DHX57: variants seen among roughly 807,000 people sequenced by gnomAD.
DHX57 encodes the protein putative ATP-dependent RNA helicase DHX57.
Under a neutral mutation model 156.2 loss-of-function variants are expected in DHX57, and 105 were observed. The ratio of observed to expected loss-of-function variants is 0.67; its 90% CI spans 0.57 to 0.79. The LOEUF (loss-of-function observed/expected upper bound fraction) is 0.79. Among genes scored for constraint, DHX57 ranks in the 30% least tolerant of loss-of-function variants. The probability of loss-of-function intolerance (pLI) is 0.00; values close to 1 mark genes in which losing one functional copy is unlikely to be tolerated. For missense variants in DHX57, 1,847 were observed against 1,661.9 expected (o/e 1.11, Z -1.94); for synonymous variants, 704 against 595.6 (o/e 1.18, Z -2.65).
At chr2:38,822,106 C>T (rs965599691) in intron 17 of DHX57, among the ~76,000 whole-genome samples, 7 of 151,692 alleles carry the variant, frequency 4.6e-5, no homozygotes, top group African/African-American at 1.7e-4. Context: ...TTTTTTGAGA[C>T]GGAATTTCGC....
At chr2:38,859,144 G>T (rs1673056731) in intron 5 of DHX57, among the ~76,000 whole-genome samples, 1 of 152,160 alleles carries the variant, frequency 6.6e-6, no homozygotes, top group Non-Finnish European at 1.5e-5. Context: ...ATCAAATGAT[G>T]AATCAATGAA....
In DHX57 at chr2:38,875,893, C is replaced by G. The variant is rs1049515601; in HGVS notation, c.-113G>C. On this transcript the variant is annotated 5_prime_UTR_variant, in exon 1 of 24. Coordinates refer to ENST00000457308, the MANE Select transcript of DHX57 (RefSeq NM_198963.3). ...CTCACGATTCTCACTTGGAGCAGCCCTGCGGTGGCCCAGCTGCAGCGGCAC... is the reference window on the plus strand; with the variant it reads ...CTCACGATTCTCACTTGGAGCAGCCGTGCGGTGGCCCAGCTGCAGCGGCAC... 2.3e-5 allele frequency: 9 copies of G among 396,362 alleles called. No individual in the cohort carries two copies. The highest frequency in any genetic ancestry group is 1.6e-4 in the African/African-American group (8 of 48,722). The allele number at this position is 396,362 out of a possible 1,614,324, so 24.6% of individuals were successfully genotyped here. A position where few individuals can be genotyped will look rare whatever the true frequency, so the allele number is the denominator to read the frequency against.
At chr2:38,871,127 A>C (rs1665332227) in intron 1 of DHX57, among the ~76,000 whole-genome samples, 1 of 152,172 alleles carries the variant, frequency 6.6e-6, no homozygotes, top group African/African-American at 2.4e-5. Flanking sequence ...GTAATTGAGT[A>C]ATTATTTTTA....
chr2:38,818,969 T>C lies in DHX57; in HGVS notation c.3388-9A>G, dbSNP rs1372512795. On this transcript the variant is annotated splice_polypyrimidine_tract_variant and intron_variant, in intron 18 of 23. Coordinates refer to ENST00000457308, the MANE Select transcript of DHX57 (RefSeq NM_198963.3). ...GTACTTAGCTGCCATCCCTAAATTT[T>C]GGAGAAAATCAAACTGAACTTACTC... 6.2e-7 allele frequency: 1 copy of C among 1,614,180 alleles called. No homozygotes were observed. Among genetic ancestry groups the C allele is most frequent in the South Asian group, 1.1e-5 (1 of 91,084 alleles).
intron 23 of DHX57, 64 bp downstream of exon 23, chr2:38,802,651 A>G: frequency 6.3e-7 from 1 of 1,591,296 alleles, no homozygotes; most frequent in East Asian, 2.2e-5. Flanking sequence ...TTGACTTCAT[A>G]ACTTCATATT....
At chr2:38,862,362 G>A in intron 3 of DHX57, 29 bp from the exon 4 acceptor site, 2 of 1,481,590 alleles carry the variant, frequency 1.3e-6, no homozygotes, top group Non-Finnish European at 1.8e-6. Flanking sequence ...TCATATATTA[G>A]ATATTACTTT....
chr2:38,855,182 C>G lies in DHX57; in HGVS notation c.1780G>C (p.Ala594Pro), dbSNP rs547706396. ...DSLNGPPEKV[A>P]NIICTQPRRI... ...CGGGGTTGGGTACAGATGATGTTGGCTACCTTCTCAGGTGGTCCATTCAGA... is the reference window on the plus strand; with the variant it reads ...CGGGGTTGGGTACAGATGATGTTGGGTACCTTCTCAGGTGGTCCATTCAGA... The change falls in exon 8 of 24, where the codon GCC (alanine) becomes CCC (proline). Residue 594 changes from alanine to proline, a missense_variant. Transcript: ENST00000457308. 3 of 1,614,030 alleles carry G rather than the reference C, an allele frequency of 1.9e-6. No homozygotes were observed. In the African/African-American group the frequency reaches 4.0e-5, roughly 22 times the overall value.
chr2:38,823,405 C>T, intron 16 of DHX57, 136 bp from the exon 17 acceptor site: 1 of 883,994 alleles, frequency 1.1e-6, no homozygotes, highest in Non-Finnish European at 1.7e-6. Flanking sequence ...TCTACTTCTA[C>T]CAATAAACCA....
At chr2:38,819,243 T>G (rs1424728994) in intron 17 of DHX57, 99 bp from the exon 18 acceptor site, 1 of 1,045,922 alleles carries the variant, frequency 9.6e-7, no homozygotes, top group African/African-American at 1.6e-5. Context: ...GGTGCGATCA[T>G]AGCCCACTGC....
chr2:38,874,595 G>T (rs1286533315), intron 1 of DHX57, among the ~76,000 whole-genome samples: 1 of 151,756 alleles, frequency 6.6e-6, no homozygotes, highest in African/African-American at 2.4e-5. Context: ...ATTTTTAGTA[G>T]AGACAGGGTT....
chr2:38,822,522 T>C (rs1223961663), intron 17 of DHX57, among the ~76,000 whole-genome samples: 1 of 152,044 alleles, frequency 6.6e-6, no homozygotes, highest in African/African-American at 2.4e-5. Flanking sequence ...GCCTCCCAAG[T>C]AGTTGGGACT....
intron 8 of DHX57, 179 bp downstream of exon 8, chr2:38,854,878 C>A (rs534212510): frequency 7.9e-6 from 5 of 635,700 alleles, no homozygotes; most frequent in African/African-American, 3.7e-5. Flanking sequence ...GTTCTTATAC[C>A]AAAATATTTC....
Position 38,861,151 on chromosome 2 carries a change from T to TCCGACTCTTC in DHX57, c.1249_1258dup (p.Glu420GlyfsTer17), listed in dbSNP as rs1472371275. The TCCGACTCTTC allele has an allele frequency of 6.2e-7, 1 of 1,614,202 alleles. No individual in the cohort carries two copies. The highest frequency in any genetic ancestry group is 8.5e-7 in the Non-Finnish European group (1 of 1,180,026). On this transcript the variant is annotated frameshift_variant, in exon 5 of 24. Coordinates refer to ENST00000457308, the MANE Select transcript of DHX57 (RefSeq NM_198963.3). LOFTEE classifies it high-confidence loss of function. ...GGTATTCGTTAGTAACTTGACTATT[T>TCCGACTCTTC]CCGACTCTTCCTCTAAAAGGGTTAT...
chr2:38,846,955 G>T, intron 11 of DHX57, 64 bp downstream of exon 11: 1 of 1,431,936 alleles, frequency 7.0e-7, no homozygotes, highest in Non-Finnish European at 9.7e-7. Context: ...CAAAGTGCTA[G>T]AATTACAGGG....
chr2:38,863,518 G>C lies in DHX57; in HGVS notation c.226C>G (p.Pro76Ala). ...CCTTTGCTTATGTTACTGTTGCTAGGTCTATAGAGAACAAAAGAGCAAAAT... is the reference window on the plus strand; with the variant it reads ...CCTTTGCTTATGTTACTGTTGCTAGCTCTATAGAGAACAAAAGAGCAAAAT... ...IFSESRRPSR[P>A]SNSNISKGES... The change falls in exon 3 of 24, where the codon CCT (proline) becomes GCT (alanine). Residue 76 changes from proline (P) to alanine (A), a missense_variant and splice_region_variant. Coordinates refer to ENST00000457308, the MANE Select transcript of DHX57 (RefSeq NM_198963.3). 1 of 1,609,144 alleles carries C rather than the reference G, an allele frequency of 6.2e-7. No homozygotes were observed. The highest frequency in any genetic ancestry group is 8.5e-7 in the Non-Finnish European group (1 of 1,178,846).
chr2:38,826,077 T>A (rs766661646), intron 15 of DHX57, 30 bp from the exon 16 acceptor site: 2 of 1,600,206 alleles, frequency 1.2e-6, no homozygotes, highest in Non-Finnish European at 1.7e-6. Flanking sequence ...ATAAATTGAG[T>A]CATTTTATAA....
chr2:38,805,566 T>A (rs1669897551), intron 22 of DHX57, among the ~76,000 whole-genome samples: 1 of 152,086 alleles, frequency 6.6e-6, no homozygotes, highest in African/African-American at 2.4e-5. Context: ...GCAGTGGGGA[T>A]AAAAGGCAAA....
Position 38,823,157 on chromosome 2 carries a change from A to T in DHX57, c.3127T>A (p.Leu1043Ile). The change falls in exon 17 of 24, where the codon TTA becomes ATA. Residue 1043 changes from leucine (L) to isoleucine (I), a missense_variant. Physicochemically the swap from Leu to Ile is conservative, Grantham distance 5 (BLOSUM62 2). Transcript: ENST00000457308. ...CTTTCATCTGGAGTTAATGCTCCTA[A>T]GTCTCGTAATCGTATTTTTGAGGCA... ...LRASKIRLRD[L>I]GALTPDERLT... is the part of the protein sequence containing the mutation. 6.2e-7 allele frequency: 1 copy of T among 1,614,228 alleles called. No homozygotes were observed. Among genetic ancestry groups the T allele is most frequent in the Non-Finnish European group, 8.5e-7 (1 of 1,180,042 alleles).
intron 6 of DHX57, 169 bp from the exon 7 acceptor site, chr2:38,856,630 A>G: frequency 2.3e-5 from 18 of 798,756 alleles, no homozygotes; most frequent in Non-Finnish European, 3.3e-5. Context: ...CAAGCTCCCA[A>G]GTAGCTGGGA....
Sources: gnomAD v4.1 joint callset for allele counts (sites outside exome capture counted in the v4.1 genomes callset) on GRCh38, gnomAD v4.1.1 for gene constraint, MANE v1.5 for transcripts, NCBI Gene and HGNC (gene_info 2026-07-23, HGNC 2026-07-21) for gene names.